DOCK3: variants seen among roughly 807,000 people sequenced by gnomAD.
DOCK3 encodes the protein dedicator of cytokinesis 3.
DOCK3 carries 60 observed loss-of-function variants against 265.6 expected under a neutral mutation model. The ratio of observed to expected loss-of-function variants is 0.23; its 90% CI spans 0.18 to 0.28. The LOEUF is 0.28. Among genes scored for constraint, DOCK3 ranks in the 10% least tolerant of loss-of-function variants. The probability of loss-of-function intolerance (pLI) is 1.00; values close to 1 mark genes in which losing one functional copy is unlikely to be tolerated. For missense variants in DOCK3, 1,981 were observed against 2,594.3 expected (o/e 0.76, Z 5.14); for synonymous variants, 881 against 938.0 (o/e 0.94, Z 1.11).
At chr3:50,841,743 C>CTTTTTCTTTTTCTTTTTTTTTT in intron 3 of DOCK3, 28 bp downstream of exon 3, 1 of 483,404 alleles carries the variant, frequency 2.1e-6, no homozygotes, top group South Asian at 4.8e-5. Context: ...GTTACCTTTT[C>CTTTTTCTTTTTCTTTTTTTTTT]TAATGTAGGA....
chr3:50,835,016 T>C (rs1007493757), intron 2 of DOCK3, among the ~76,000 whole-genome samples: 18 of 152,216 alleles, frequency 1.2e-4, no homozygotes, highest in African/African-American at 4.3e-4. Context: ...ATAAACCTTT[T>C]TTATAACCAT....
chr3:51,298,068 A>G (rs540678369), intron 27 of DOCK3, among the ~76,000 whole-genome samples: 1 of 152,338 alleles, frequency 6.6e-6, no homozygotes, highest in African/African-American at 2.4e-5. Context: ...TTATTAGTGA[A>G]ACCATCTTGT....
intron 2 of DOCK3, among the ~76,000 whole-genome samples, chr3:50,834,382 A>G (rs747591065): frequency 1.2e-4 from 19 of 152,122 alleles, no homozygotes; most frequent in Non-Finnish European, 2.5e-4. Flanking sequence ...GCATACAACA[A>G]TTTTACATAA....
At chr3:51,014,110 C>A (rs1390073891) in intron 5 of DOCK3, among the ~76,000 whole-genome samples, 2 of 152,168 alleles carry the variant, frequency 1.3e-5, no homozygotes, top group Non-Finnish European at 2.9e-5. Flanking sequence ...CCCCCGACCC[C>A]TTGAGCTTCC....
intron 1 of DOCK3, among the ~76,000 whole-genome samples, chr3:50,764,707 A>AGG (rs982363158): frequency 6.6e-6 from 1 of 152,038 alleles, no homozygotes; most frequent in African/African-American, 2.4e-5. Context: ...TGCTTGGGTG[A>AGG]GGGGGTGAGG....
At chr3:51,136,297 G>A (rs771797481) in intron 9 of DOCK3, among the ~76,000 whole-genome samples, 5 of 151,270 alleles carry the variant, frequency 3.3e-5, no homozygotes, top group African/African-American at 4.9e-5. Flanking sequence ...GCACGATCTC[G>A]GCTCACTGCA....
intron 46 of DOCK3, among the ~76,000 whole-genome samples, chr3:51,358,625 G>A (rs1421717160): frequency 6.6e-6 from 1 of 151,526 alleles, no homozygotes; most frequent in African/African-American, 2.4e-5. Context: ...ATCATGTCTC[G>A]TGATCCAAGC....
At chr3:51,228,144 C>T (rs2090407199) in intron 17 of DOCK3, 56 bp downstream of exon 17, 1 of 1,549,748 alleles carries the variant, frequency 6.5e-7, no homozygotes, top group South Asian at 1.1e-5. Context: ...AGGCCACTCT[C>T]ACACATGGTT....
chr3:51,381,313 G>A lies in DOCK3; in HGVS notation c.5847G>A (p.Lys1949=), dbSNP rs1448864607. ...AGTCTGCCGTCCTGGACTCCATCAA[G>A]GCCCAGCCATGCCGAAGCCACTCAG... ...LSESAVLDSI[K]AQPCRSHSAP... is the part of the protein sequence containing the mutation. The change falls in exon 53 of 53, where the codon AAG becomes AAA. Residue 1949 remains lysine (K), a synonymous_variant. Transcript: ENST00000266037. The surrounding 1 kb of genome is among the most constrained non-coding windows in gnomAD (Gnocchi z 5.6). 3 of 1,613,454 alleles carry A rather than the reference G, an allele frequency of 1.9e-6. No individual in the cohort carries two copies. The highest frequency in any genetic ancestry group is 2.5e-6 in the Non-Finnish European group (3 of 1,179,876).
At chr3:50,776,963 G>A (rs569246006) in intron 1 of DOCK3, among the ~76,000 whole-genome samples, 1 of 152,158 alleles carries the variant, frequency 6.6e-6, no homozygotes, top group Non-Finnish European at 1.5e-5. Context: ...AAGATAAAAG[G>A]CACTTCTCAC....
At chr3:50,793,103 C>G (rs1404412046) in intron 2 of DOCK3, among the ~76,000 whole-genome samples, 1 of 152,130 alleles carries the variant, frequency 6.6e-6, no homozygotes, top group African/African-American at 2.4e-5. Context: ...TTGGTCTGTT[C>G]ACATATTCAG....
intron 32 of DOCK3, 40 bp downstream of exon 32, chr3:51,315,168 G>A: frequency 6.5e-7 from 1 of 1,544,980 alleles, no homozygotes; most frequent in Non-Finnish European, 8.8e-7. Context: ...CTCTGGAATG[G>A]ATCCCTTCTG....
At chr3:50,756,397 G>T (rs936725917) in intron 1 of DOCK3, among the ~76,000 whole-genome samples, 2 of 152,036 alleles carry the variant, frequency 1.3e-5, no homozygotes, top group African/African-American at 4.8e-5. Flanking sequence ...GCGGGGAGCG[G>T]GGGCATGTAG....
intron 27 of DOCK3, among the ~76,000 whole-genome samples, chr3:51,282,582 G>A (rs1490523310): frequency 6.6e-6 from 1 of 151,736 alleles, no homozygotes; most frequent in Non-Finnish European, 1.5e-5. Context: ...GAACCTGGTA[G>A]GTGGAGGTTG....
intron 5 of DOCK3, among the ~76,000 whole-genome samples, chr3:50,961,032 T>C (rs1167500451): frequency 6.6e-6 from 1 of 152,204 alleles, no homozygotes; most frequent in Non-Finnish European, 1.5e-5. Context: ...GTTCAGTTGA[T>C]CTATATTTCT....
intron 1 of DOCK3, among the ~76,000 whole-genome samples, chr3:50,697,523 G>A (rs537988480): frequency 4.8e-4 from 73 of 152,224 alleles, no homozygotes; most frequent in Middle Eastern, 3.4e-3. Flanking sequence ...CCCAGGAGGC[G>A]GAGGTTGCAG....
intron 4 of DOCK3, among the ~76,000 whole-genome samples, chr3:50,923,402 T>G (rs1184365254): frequency 1.3e-5 from 2 of 152,224 alleles, no homozygotes; most frequent in East Asian, 3.8e-4. Flanking sequence ...TTGAATATTA[T>G]GGAATTCCCT....
At chr3:50,855,634 T>A (rs2107445172) in intron 3 of DOCK3, among the ~76,000 whole-genome samples, 1 of 152,316 alleles carries the variant, frequency 6.6e-6, no homozygotes, top group Non-Finnish European at 1.5e-5. Context: ...CTTCTTTTCC[T>A]ATTTGGATGC....
intron 49 of DOCK3, among the ~76,000 whole-genome samples, chr3:51,370,357 A>G (rs1015555757): frequency 6.6e-6 from 1 of 152,200 alleles, no homozygotes; most frequent in African/African-American, 2.4e-5. Context: ...AGATCTCTGA[A>G]TCATGATGAT....
Sources: allele counts gnomAD v4.1 joint callset (sites outside exome capture counted in the v4.1 genomes callset), GRCh38; gene constraint gnomAD v4.1.1; non-coding constraint Gnocchi (gnomAD v3.1); transcripts MANE v1.5; gene names NCBI Gene and HGNC (gene_info 2026-07-23, HGNC 2026-07-21).